LSAMP: variants seen among roughly 807,000 people sequenced by gnomAD.
The protein encoded by LSAMP is limbic system associated membrane protein, also known as limbic system-associated membrane protein.
A neutral mutation model predicts 38.6 loss-of-function variants in LSAMP; 7 were observed. The ratio of observed to expected loss-of-function variants is 0.18; its 90% confidence interval spans 0.10 to 0.34. The LOEUF is 0.34. Among genes scored for constraint, LSAMP ranks in the 10% least tolerant of loss-of-function variants. The probability of loss-of-function intolerance (pLI) is 1.00; values close to 1 mark genes in which losing one functional copy is unlikely to be tolerated. For synonymous variants in LSAMP, 154 were observed against 166.8 expected (o/e 0.92, Z 0.59); for missense variants, 313 against 420.0 (o/e 0.75, Z 2.23).
At chr3:116,201,499 G>A (rs1020176696) in intron 1 of LSAMP, among the ~76,000 whole-genome samples, 6 of 152,062 alleles carry the variant, frequency 3.9e-5, no homozygotes, top group South Asian at 2.1e-4. Flanking sequence ...TGCCCCAGTC[G>A]CCACAGCAGA....
chr3:116,358,390 G>C (rs779483004), intron 1 of LSAMP, among the ~76,000 whole-genome samples: 3 of 152,154 alleles, frequency 2.0e-5, no homozygotes, highest in African/African-American at 7.2e-5. Flanking sequence ...TATGGATATA[G>C]GGGAGTTGCT....
intron 2 of LSAMP, among the ~76,000 whole-genome samples, chr3:116,066,264 CCCAAATACCACATTT>C (rs772980062): frequency 7.9e-5 from 12 of 152,248 alleles, no homozygotes; most frequent in Non-Finnish European, 1.6e-4. Context: ...CTAATCACTT[CCCAAATACCACATTT>C]CCAAATAGTA....
chr3:116,116,084 C>G (rs989533080), intron 1 of LSAMP, among the ~76,000 whole-genome samples: 4 of 147,484 alleles, frequency 2.7e-5, no homozygotes, highest in Non-Finnish European at 6.0e-5. Context: ...CTGGACTGGT[C>G]CTATAATATA....
intron 3 of LSAMP, among the ~76,000 whole-genome samples, chr3:115,992,315 G>T (rs1028128824): frequency 6.6e-6 from 1 of 151,920 alleles, no homozygotes; most frequent in African/African-American, 2.4e-5. Flanking sequence ...GGAGGGTAAG[G>T]GTGTCCAAGT....
intron 3 of LSAMP, among the ~76,000 whole-genome samples, chr3:115,873,190 C>T (rs565386815): frequency 6.6e-6 from 1 of 151,886 alleles, no homozygotes; most frequent in African/African-American, 2.4e-5. Flanking sequence ...GCCAACATGA[C>T]GAAACGCTGT....
intron 1 of LSAMP, among the ~76,000 whole-genome samples, chr3:116,177,909 A>G (rs749566617): frequency 3.9e-5 from 6 of 152,236 alleles, no homozygotes; most frequent in Non-Finnish European, 7.3e-5. Context: ...TCTATAAAAC[A>G]GCTGCTAGGA....
intron 1 of LSAMP, among the ~76,000 whole-genome samples, chr3:116,108,891 G>A (rs1292196522): frequency 6.6e-6 from 1 of 151,858 alleles, no homozygotes; most frequent in Non-Finnish European, 1.5e-5. Context: ...GTGGAGGCAA[G>A]GAATTGCAAC....
intron 1 of LSAMP, among the ~76,000 whole-genome samples, chr3:116,331,222 A>G (rs1410832049): frequency 6.6e-6 from 1 of 152,202 alleles, no homozygotes; most frequent in East Asian, 1.9e-4. Flanking sequence ...TAAAGCAAAT[A>G]AGATGAAGAA....
At chr3:116,137,288 A>AC (rs1386358010) in intron 1 of LSAMP, among the ~76,000 whole-genome samples, 1 of 151,976 alleles carries the variant, frequency 6.6e-6, no homozygotes, top group East Asian at 1.9e-4. Flanking sequence ...TGCCAAATTT[A>AC]GTTATATTTT....
chr3:115,975,128 A>G (rs1939143687), intron 3 of LSAMP, among the ~76,000 whole-genome samples: 1 of 152,158 alleles, frequency 6.6e-6, no homozygotes, highest in Non-Finnish European at 1.5e-5. Flanking sequence ...AGATGCAAAC[A>G]TGAGAGACTG....
At chr3:115,888,255 A>T (rs1007790277) in intron 3 of LSAMP, among the ~76,000 whole-genome samples, 5 of 152,012 alleles carry the variant, frequency 3.3e-5, no homozygotes, top group Non-Finnish European at 7.4e-5. Flanking sequence ...AATGCTTTTT[A>T]AGTGTCAATT....
At chr3:116,035,460 G>C (rs1941025715) in intron 2 of LSAMP, among the ~76,000 whole-genome samples, 1 of 152,166 alleles carries the variant, frequency 6.6e-6, no homozygotes, top group Non-Finnish European at 1.5e-5. Context: ...TTTGTCAAGA[G>C]AAGGAAAAGG....
At chr3:115,907,900 C>T (rs1224079232) in intron 3 of LSAMP, among the ~76,000 whole-genome samples, 1 of 152,210 alleles carries the variant, frequency 6.6e-6, no homozygotes, top group South Asian at 2.1e-4. Context: ...TGAAGATCAA[C>T]ATGCCACTTA....
chr3:116,190,978 T>C (rs1710741530), intron 1 of LSAMP, among the ~76,000 whole-genome samples: 2 of 152,244 alleles, frequency 1.3e-5, no homozygotes, highest in South Asian at 4.1e-4. Flanking sequence ...CTAAGACTCA[T>C]GGTTTTATGC....
At chr3:116,340,103 G>A (rs1184754798) in intron 1 of LSAMP, among the ~76,000 whole-genome samples, 1 of 152,044 alleles carries the variant, frequency 6.6e-6, no homozygotes, top group Non-Finnish European at 1.5e-5. Context: ...TTCTAGCTCT[G>A]TCACTCAATT....
chr3:116,212,187 A>G (rs2046165698), intron 1 of LSAMP, among the ~76,000 whole-genome samples: 1 of 152,186 alleles, frequency 6.6e-6, no homozygotes. Flanking sequence ...ATATCAAATA[A>G]ATGGAGTTGG....
intron 1 of LSAMP, among the ~76,000 whole-genome samples, chr3:116,370,375 C>T (rs1472897588): frequency 1.3e-5 from 2 of 152,222 alleles, no homozygotes; most frequent in Admixed American, 1.3e-4. Flanking sequence ...GTCCCTTTAC[C>T]AGATAACAGT....
At chr3:115,819,710 T>TA (rs1211167883) in intron 6 of LSAMP, among the ~76,000 whole-genome samples, 2 of 152,220 alleles carry the variant, frequency 1.3e-5, no homozygotes, top group African/African-American at 4.8e-5. Context: ...GAAATATCTT[T>TA]AAAAAGCAAA....
intron 3 of LSAMP, among the ~76,000 whole-genome samples, chr3:116,012,173 T>C (rs1476417205): frequency 6.6e-6 from 1 of 152,232 alleles, no homozygotes; most frequent in Non-Finnish European, 1.5e-5. Flanking sequence ...ATGAATTTTA[T>C]TGTGCAAGCA....
Sources: allele counts gnomAD v4.1 joint callset (sites outside exome capture counted in the v4.1 genomes callset), GRCh38; gene constraint gnomAD v4.1.1; transcripts MANE v1.5; gene names NCBI Gene and HGNC (gene_info 2026-07-23, HGNC 2026-07-21).